ARHGEF28: variants seen among roughly 807,000 people sequenced by gnomAD.
ARHGEF28 encodes Rho guanine nucleotide exchange factor 28, also known as 190 kDa guanine nucleotide exchange factor.
In ARHGEF28, 152 loss-of-function variants were observed where a neutral mutation model predicts 206.6. The ratio of observed to expected loss-of-function variants is 0.74; its 90% CI spans 0.64 to 0.84. The LOEUF is 0.84. ARHGEF28 is among the 40% of genes least tolerant of loss of function. The pLI, the probability that ARHGEF28 is intolerant of heterozygous loss-of-function variation, is 0.00. For missense variants in ARHGEF28, 2,028 were observed against 2,073.2 expected, an observed-to-expected ratio of 0.98 and a Z score of 0.42; for synonymous variants, 763 against 776.4, an observed-to-expected ratio of 0.98 and a Z score of 0.29.
At chr5:73,940,655 C>T (rs1319118802) in intron 35 of ARHGEF28, among the ~76,000 whole-genome samples, 189 bp from the exon 36 acceptor site, 3 of 152,196 alleles carry the variant, frequency 2.0e-5, no homozygotes, top group Admixed American at 6.5e-5. Context: ...TGCACACAAT[C>T]GAACATATCT....
intron 1 of ARHGEF28, among the ~76,000 whole-genome samples, chr5:73,662,634 G>A (rs907200481): frequency 3.9e-5 from 6 of 152,180 alleles, no homozygotes; most frequent in African/African-American, 1.4e-4. Flanking sequence ...CAACTAATAT[G>A]TCTTCATACC....
chr5:73,897,985 A>T lies in ARHGEF28; in HGVS notation c.3865A>T (p.Lys1289Ter). 6.3e-7 allele frequency: 1 copy of T among 1,588,934 alleles called. No individual in the cohort carries two copies. Among genetic ancestry groups the T allele is most frequent in the Non-Finnish European group, 8.6e-7 (1 of 1,166,838 alleles). ...AGCTGAGAGCCTACAAGTTGCAGTG[A>T]AGGCCTCACAGATGGGCGCCGTGAG... ...KEAESLQVAV[K>*]ASQMGAVSQS... Residue 1289 changes from lysine (K) to a stop codon, truncating the protein, a stop_gained, in exon 30 of 36, where the codon AAG becomes TAG. Coordinates refer to ENST00000513042, the MANE Select transcript of ARHGEF28 (RefSeq NM_001177693.2). LOFTEE classifies it high-confidence loss of function.
At chr5:73,747,809 T>C (rs572631412) in intron 2 of ARHGEF28, among the ~76,000 whole-genome samples, 11 of 152,326 alleles carry the variant, frequency 7.2e-5, no homozygotes, top group African/African-American at 2.2e-4. Context: ...GTGTAAAGCA[T>C]GGCATGGTTC....
chr5:73,901,119 A>C lies in ARHGEF28; in HGVS notation c.3974-65A>C, dbSNP rs540890454. The C allele has an allele frequency of 3.3e-5, 44 of 1,336,906 alleles. No individual in the cohort carries two copies. The African/African-American group carries it at 6.3e-4, about 19-fold the overall frequency. 82.8% of individuals were successfully genotyped at this position (1,336,906 alleles called of 1,614,324 possible). Reference sequence around the variant, plus strand: ...ATATGTGTTGGCCGTGTACAGAAGAACCCGGTGGGCTGGCCGATGTTTGAC... The same window carrying C: ...ATATGTGTTGGCCGTGTACAGAAGACCCCGGTGGGCTGGCCGATGTTTGAC... On this transcript the variant is annotated intron_variant, in intron 30 of 35. Coordinates refer to ENST00000513042, the MANE Select transcript of ARHGEF28 (RefSeq NM_001177693.2).
chr5:73,696,040 C>T (rs1459797668), intron 2 of ARHGEF28, among the ~76,000 whole-genome samples: 4 of 152,122 alleles, frequency 2.6e-5, no homozygotes, highest in Non-Finnish European at 5.9e-5. Flanking sequence ...TGCATTTGGC[C>T]GTGCATCCTC....
At chr5:73,793,167 G>T (rs1271829514) in intron 7 of ARHGEF28, among the ~76,000 whole-genome samples, 1 of 152,198 alleles carries the variant, frequency 6.6e-6, no homozygotes, top group Admixed American at 6.5e-5. Flanking sequence ...GCATGCAAAT[G>T]TAGTATTACT....
chr5:73,643,814 CAA>C (rs10655836), intron 1 of ARHGEF28, among the ~76,000 whole-genome samples: 35 of 123,006 alleles, frequency 2.8e-4, no homozygotes, highest in Non-Finnish European at 2.5e-4. Context: ...GGCCCTGTCT[CAA>C]AAAAAAAAAA....
At chr5:73,864,532 T>C (rs1759588467) in intron 16 of ARHGEF28, among the ~76,000 whole-genome samples, 1 of 152,332 alleles carries the variant, frequency 6.6e-6, no homozygotes, top group South Asian at 2.1e-4. Context: ...CACAGAAGCA[T>C]TGCAGAAGTG....
chr5:73,764,987 TTAA>T (rs2112430105), intron 4 of ARHGEF28, among the ~76,000 whole-genome samples: 1 of 152,324 alleles, frequency 6.6e-6, no homozygotes, highest in Admixed American at 6.5e-5. Context: ...ATGTAAATTT[TTAA>T]TAATTTTTTT....
chr5:73,842,885 G>A (rs1758070970), intron 11 of ARHGEF28, among the ~76,000 whole-genome samples: 1 of 151,966 alleles, frequency 6.6e-6, no homozygotes, highest in Admixed American at 6.6e-5. Flanking sequence ...CAGGGGAGGG[G>A]CTGAGGCAGG....
At chr5:73,872,178 C>G (rs910374603) in intron 21 of ARHGEF28, among the ~76,000 whole-genome samples, 17 of 152,078 alleles carry the variant, frequency 1.1e-4, no homozygotes, top group African/African-American at 3.6e-4. Context: ...TTATAACTAG[C>G]CTAATATGTG....
intron 4 of ARHGEF28, among the ~76,000 whole-genome samples, chr5:73,758,203 C>G (rs1050652858): frequency 6.6e-6 from 1 of 152,128 alleles, no homozygotes; most frequent in Non-Finnish European, 1.5e-5. Context: ...AACACAGTAG[C>G]TTCTCTCCTA....
intron 31 of ARHGEF28, chr5:73,902,336 T>G (rs1170726765): frequency 2.6e-5 from 4 of 152,208 alleles, no homozygotes; most frequent in Non-Finnish European, 5.9e-5. Flanking sequence ...AAGTTTGTGG[T>G]GTCCAACTGT....
At chr5:73,870,289 T>G in intron 21 of ARHGEF28, 80 bp downstream of exon 21, 1 of 1,457,030 alleles carries the variant, frequency 6.9e-7, no homozygotes, top group East Asian at 2.5e-5. Context: ...CTGTGCAGAG[T>G]TGGGTAAAAT....
At chr5:73,743,244 T>C (rs1295444090) in intron 2 of ARHGEF28, among the ~76,000 whole-genome samples, 2 of 152,224 alleles carry the variant, frequency 1.3e-5, no homozygotes, top group Non-Finnish European at 2.9e-5. Context: ...GATATTTTTG[T>C]TAGATATGGA....
At chr5:73,897,093 T>C (rs1665264404) in intron 29 of ARHGEF28, among the ~76,000 whole-genome samples, 1 of 152,214 alleles carries the variant, frequency 6.6e-6, no homozygotes, top group African/African-American at 2.4e-5. Flanking sequence ...CTTTTCCTCC[T>C]TCCTTTCTTT....
chr5:73,892,309 T>G, intron 27 of ARHGEF28, 79 bp downstream of exon 27: 1 of 1,467,032 alleles, frequency 6.8e-7, no homozygotes, highest in Non-Finnish European at 9.2e-7. Context: ...TCTTCCTGCA[T>G]GAAAACTTTG....
intron 1 of ARHGEF28, among the ~76,000 whole-genome samples, chr5:73,654,009 A>G (rs972689054): frequency 3.3e-5 from 5 of 152,228 alleles, no homozygotes; most frequent in Admixed American, 2.0e-4. Context: ...TGCAAACAAC[A>G]TAAATAGACT....
intron 1 of ARHGEF28, among the ~76,000 whole-genome samples, chr5:73,635,110 G>A (rs1580424311): frequency 1.3e-5 from 2 of 152,276 alleles, no homozygotes; most frequent in Admixed American, 6.5e-5. Context: ...TTGGGAGCCC[G>A]AGGCAGGTGG....
Sources: gnomAD v4.1 joint callset for allele counts (sites outside exome capture counted in the v4.1 genomes callset) on GRCh38, gnomAD v4.1.1 for gene constraint, MANE v1.5 for transcripts, NCBI Gene and HGNC (gene_info 2026-07-23, HGNC 2026-07-21) for gene names.